PIEZO2: variants seen among roughly 807,000 people sequenced by gnomAD.
PIEZO2 encodes piezo-type mechanosensitive ion channel component 2.
In PIEZO2, 172 loss-of-function variants were observed where a neutral mutation model predicts 337.3. The ratio of observed to expected loss-of-function variants is 0.51; its 90% CI spans 0.45 to 0.58. The LOEUF is 0.58. PIEZO2 is among the 20% of genes least tolerant of loss of function. The probability of loss-of-function intolerance (pLI) is 0.00; values close to 1 mark genes in which losing one functional copy is unlikely to be tolerated. For synonymous variants in PIEZO2, 1,251 were observed against 1,228.5 expected (o/e 1.02, Z -0.38); for missense variants, 3,028 against 3,391.3 (o/e 0.89, Z 2.66).
At chr18:10,818,935 T>C (rs1000294657) in intron 7 of PIEZO2, among the ~76,000 whole-genome samples, 1 of 152,218 alleles carries the variant, frequency 6.6e-6, no homozygotes, top group African/African-American at 2.4e-5. Context: ...AAAGATGTCA[T>C]TGAAATCATT....
chr18:11,011,212 C>T (rs2145656963), intron 2 of PIEZO2, among the ~76,000 whole-genome samples: 1 of 152,290 alleles, frequency 6.6e-6, no homozygotes, highest in South Asian at 2.1e-4. Context: ...TTTCCTTATT[C>T]AGTCATCTAT....
At chr18:10,937,553 TGCTCCATGTAACAGGTGAAA>T (rs2032472494) in intron 3 of PIEZO2, among the ~76,000 whole-genome samples, 1 of 152,190 alleles carries the variant, frequency 6.6e-6, no homozygotes, top group African/African-American at 2.4e-5. Flanking sequence ...TATGTCTTTG[TGCTCCATGTAACAGGTGAAA>T]GCTCCATGTA....
chr18:10,704,542 A>G lies in PIEZO2; in HGVS notation c.6110T>C (p.Met2037Thr). The change falls in exon 42 of 56, where the codon ATG (methionine) becomes ACG (threonine). Residue 2037 changes from methionine (M) to threonine (T), a missense_variant. Transcript: ENST00000674853. The stretch of plus-strand genomic sequence containing the variant: ...GAGGATGATCACGAAGTAGCACACC[A>G]TCTCCGAGCGGGCCACCAGGGTATT... ...MYNTLVARSE[M>T]VCYFVIILNH... 6.5e-7 allele frequency: 1 copy of G among 1,537,272 alleles called. No individual in the cohort carries two copies.
chr18:11,030,653 C>T (rs1272127573), intron 2 of PIEZO2, among the ~76,000 whole-genome samples: 2 of 152,124 alleles, frequency 1.3e-5, no homozygotes, highest in Non-Finnish European at 2.9e-5. Context: ...ACGCTGGTCC[C>T]TCGAGATATA....
intron 2 of PIEZO2, among the ~76,000 whole-genome samples, chr18:11,037,754 T>C (rs1042904852): frequency 3.3e-5 from 5 of 152,212 alleles, no homozygotes; most frequent in African/African-American, 1.2e-4. Flanking sequence ...ACTTGGTGCC[T>C]AACTGAAGAA....
intron 2 of PIEZO2, among the ~76,000 whole-genome samples, chr18:11,024,629 T>C (rs993866347): frequency 2.0e-5 from 3 of 151,714 alleles, no homozygotes; most frequent in African/African-American, 4.8e-5. Flanking sequence ...ATAAGGTCTA[T>C]TTAAGGTTTT....
chr18:10,761,817 A>G (rs372598361), intron 23 of PIEZO2, among the ~76,000 whole-genome samples: 1 of 152,204 alleles, frequency 6.6e-6, no homozygotes. Context: ...CCAGGTGCTG[A>G]GTGTAGAGGC....
At chr18:11,098,839 C>T (rs182586529) in intron 1 of PIEZO2, among the ~76,000 whole-genome samples, 1 of 151,738 alleles carries the variant, frequency 6.6e-6, no homozygotes, top group Non-Finnish European at 1.5e-5. Flanking sequence ...ACTCTGTCAC[C>T]CAGGCTGCAG....
At chr18:11,026,979 G>C (rs547711861) in intron 2 of PIEZO2, among the ~76,000 whole-genome samples, 16 of 152,264 alleles carry the variant, frequency 1.1e-4, no homozygotes, top group African/African-American at 3.1e-4. Flanking sequence ...GGGAGCGCTC[G>C]TCTCCAAGCT....
At position 10,854,907 on chromosome 18, in the gene PIEZO2, A is replaced by G. The variant is rs1198326209; in HGVS notation, c.917+446T>C. On this transcript the variant is annotated intron_variant, in intron 7 of 55. Coordinates refer to ENST00000674853, the MANE Select transcript of PIEZO2 (RefSeq NM_001378183.1). The surrounding 1 kb of genome is among the most constrained non-coding windows in gnomAD (Gnocchi z 4.6). ...TTTTTTTGTAGAATGGGGTTTCACC[A>G]TGTTGCCCAGGCTGGGACTTTTATT... 6.6e-6 allele frequency among the ~76,000 whole-genome samples: 1 copy of G among 152,132 alleles called. No individual in the cohort carries two copies. Among genetic ancestry groups the G allele is most frequent in the Non-Finnish European group, 1.5e-5 (1 of 68,028 alleles).
intron 1 of PIEZO2, among the ~76,000 whole-genome samples, chr18:11,076,601 T>C (rs1397934468): frequency 6.6e-6 from 1 of 152,168 alleles, no homozygotes; most frequent in Non-Finnish European, 1.5e-5. Context: ...TTTAATTTAG[T>C]ATACAAAGGT....
intron 4 of PIEZO2, among the ~76,000 whole-genome samples, chr18:10,906,294 A>G (rs2029913103): frequency 6.6e-6 from 1 of 152,176 alleles, no homozygotes; most frequent in Non-Finnish European, 1.5e-5. Context: ...AGGTAATCTG[A>G]AGTAATGTTC....
At chr18:11,091,033 A>T (rs945919862) in intron 1 of PIEZO2, among the ~76,000 whole-genome samples, 1 of 152,182 alleles carries the variant, frequency 6.6e-6, no homozygotes, top group Non-Finnish European at 1.5e-5. Flanking sequence ...AGTGCTTCTA[A>T]TATCACTATG....
At position 11,038,470 on chromosome 18, in the gene PIEZO2, T is replaced by A. The variant is rs2037000697; in HGVS notation, c.160+27657A>T. ...CTCCACCCATTCCAAAAGTTTTAGG[T>A]ACAATGCAGTTTCTTGTGCTCATTC... is the stretch of plus-strand genomic sequence containing the variant. On this transcript the variant is annotated intron_variant, in intron 2 of 55. Transcript: ENST00000674853. The surrounding 1 kb of genome is among the most constrained non-coding windows in gnomAD (Gnocchi z 4.1). 6.6e-6 allele frequency among the ~76,000 whole-genome samples: 1 copy of A among 152,148 alleles called. No individual in the cohort carries two copies. The highest frequency in any genetic ancestry group is 1.5e-5 in the Non-Finnish European group (1 of 68,016).
At chr18:11,091,983 TC>T (rs1483473938) in intron 1 of PIEZO2, among the ~76,000 whole-genome samples, 1 of 152,192 alleles carries the variant, frequency 6.6e-6, no homozygotes, top group African/African-American at 2.4e-5. Flanking sequence ...GGCCGTGGTT[TC>T]CCCACGCTAT....
intron 2 of PIEZO2, among the ~76,000 whole-genome samples, chr18:11,060,426 A>T (rs1228526308): frequency 2.6e-5 from 4 of 152,184 alleles, no homozygotes; most frequent in South Asian, 2.1e-4. Context: ...ACTGAAGGAG[A>T]TAGAGACCAA....
At chr18:10,897,065 T>G (rs1426959083) in intron 4 of PIEZO2, among the ~76,000 whole-genome samples, 1 of 152,194 alleles carries the variant, frequency 6.6e-6, no homozygotes, top group Non-Finnish European at 1.5e-5. Flanking sequence ...TAAACATCAC[T>G]GCCTACTCTG....
At chr18:10,920,588 C>T (rs113709602) in intron 3 of PIEZO2, among the ~76,000 whole-genome samples, 2,125 of 152,258 alleles carry the variant, frequency 0.014, 46 homozygotes, top group African/African-American at 0.046. Flanking sequence ...CATGCTGTTA[C>T]AACTCGTTCA....
Position 10,871,388 on chromosome 18 carries a change from C to A in PIEZO2, c.357G>T (p.Gly119=), listed in dbSNP as rs1169904910. The A allele has an allele frequency of 3.9e-6, 6 of 1,536,986 alleles. No individual in the cohort carries two copies. The Admixed American group carries it at 1.2e-4, about 30-fold the overall frequency. The change falls in exon 5 of 56, where the codon GGG becomes GGT. Residue 119 remains glycine, a synonymous_variant. Coordinates refer to ENST00000674853, the MANE Select transcript of PIEZO2 (RefSeq NM_001378183.1). ...ESLKGADAGN[G]IRVFVPDIGM... ...CGATGTCAGGTACAAACACTCTGAT[C>A]CCATTGCCAGCATCAGCTCCCTTTA...
Sources: allele counts gnomAD v4.1 joint callset (sites outside exome capture counted in the v4.1 genomes callset), GRCh38; gene constraint gnomAD v4.1.1; non-coding constraint Gnocchi (gnomAD v3.1); transcripts MANE v1.5; gene names NCBI Gene and HGNC (gene_info 2026-07-23, HGNC 2026-07-21).